KCNH4: variants seen among roughly 807,000 people sequenced by gnomAD.
KCNH4 encodes the protein potassium voltage-gated channel subfamily H member 4.
KCNH4 carries 33 observed loss-of-function variants against 90.7 expected under a neutral mutation model. The observed-to-expected ratio is 0.36, with a 90% CI of 0.28 to 0.49. The LOEUF (loss-of-function observed/expected upper bound fraction) is 0.49. Among genes scored for constraint, KCNH4 ranks in the 20% least tolerant of loss-of-function variants. The pLI is 0.98. For synonymous variants in KCNH4, 551 were observed against 581.7 expected (o/e 0.95, Z 0.76); for missense variants, 1,044 against 1,387.1 (o/e 0.75, Z 3.93).
In KCNH4 at chr17:42,163,766, C is replaced by A. The variant is rs867310199; in HGVS notation, c.2317G>T (p.Val773Phe). The change falls in exon 13 of 17, where the codon GTC becomes TTC. Residue 773 changes from valine to phenylalanine, a missense_variant. Around this residue, in one of 4 missense-constraint regions of KCNH4, gnomAD observed 441 missense variants for 512.3 expected, o/e 0.86. Transcript: ENST00000264661. The surrounding 1 kb of genome is among the most constrained non-coding windows in gnomAD (Gnocchi z 5.4). ...GATGGGGATAAGGAAGGAGAGGAGA[C>A]AAGGGCTGAGAATGGGGGCAGCTCC... is the stretch of plus-strand genomic sequence containing the variant. ...GEELPPFSAL[V>F]SSPSLSPSLS... 1.3e-6 allele frequency: 2 copies of A among 1,558,000 alleles called. No individual in the cohort carries two copies. Among genetic ancestry groups the A allele is most frequent in the Non-Finnish European group, 1.7e-6 (2 of 1,153,722 alleles).
Position 42,163,489 on chromosome 17 carries a change from G to A in KCNH4, c.2477+117C>T, listed in dbSNP as rs1484052978. The A allele has an allele frequency of 5.4e-6, 4 of 744,734 alleles. No individual in the cohort carries two copies. The highest frequency in any genetic ancestry group is 5.2e-5 in the African/African-American group (3 of 57,322). The allele number at this position is 744,734 out of a possible 1,614,324, so 46.1% of individuals were successfully genotyped here. On this transcript the variant is annotated intron_variant, in intron 13 of 16. Coordinates refer to ENST00000264661, the MANE Select transcript of KCNH4 (RefSeq NM_012285.3). The surrounding 1 kb of genome is among the most constrained non-coding windows in gnomAD (Gnocchi z 5.4). ...TGCAAGCTGTGGTTGGAAGGGTGCG[G>A]TGGGCACACGGGCAGAGACGGAATG...
intron 16 of KCNH4, among the ~76,000 whole-genome samples, chr17:42,158,016 C>T (rs558659262): frequency 8.5e-5 from 13 of 152,186 alleles, no homozygotes; most frequent in South Asian, 4.1e-4. Context: ...GCACCCTCCA[C>T]CTCCCAGGTT....
At chr17:42,165,812 C>T in intron 10 of KCNH4, 119 bp from the exon 11 acceptor site, 1 of 1,185,758 alleles carries the variant, frequency 8.4e-7, no homozygotes, top group Non-Finnish European at 1.2e-6. Flanking sequence ...GAAGGTGGGC[C>T]AGTCAATGGG....
chr17:42,176,668 A>AC (rs1322793801), intron 4 of KCNH4, among the ~76,000 whole-genome samples: 2 of 151,260 alleles, frequency 1.3e-5, no homozygotes, highest in Non-Finnish European at 2.9e-5. Flanking sequence ...GACTACGGGA[A>AC]CATGCCACCA....
chr17:42,162,403 GGGCA>G (rs1303035430), intron 14 of KCNH4, 82 bp from the exon 15 acceptor site: 5 of 1,210,980 alleles, frequency 4.1e-6, no homozygotes, highest in Non-Finnish European at 6.0e-6. Context: ...TCCTGTCATT[GGGCA>G]GGCGGAGAGC....
intron 16 of KCNH4, among the ~76,000 whole-genome samples, chr17:42,158,845 T>A (rs1003000046): frequency 2.9e-4 from 43 of 150,186 alleles, no homozygotes; most frequent in South Asian, 6.3e-4. Context: ...TAAAAAAATA[T>A]ATATATATAT....
Position 42,178,125 on chromosome 17 carries a change from C to T in KCNH4, c.560G>A (p.Gly187Asp), listed in dbSNP as rs1391529673. ...ATTATTGGCCTTCATGCCTCCCTGG[C>T]CCCGGCGGCCAAAGTGGCCGGTCAG... The part of the protein sequence containing the change: ...HRLTGHFGRR[G>D]QGGMKANNNV... Residue 187 changes from glycine (G) to aspartate (D), a missense_variant, in exon 4 of 17, where the codon GGC becomes GAC. Transcript: ENST00000264661. 1.2e-6 allele frequency: 2 copies of T among 1,614,074 alleles called. No individual in the cohort carries two copies. Among genetic ancestry groups the T allele is most frequent in the South Asian group, 2.2e-5 (2 of 91,076 alleles).
chr17:42,178,653 C>A, intron 2 of KCNH4, 140 bp downstream of exon 2: 1 of 1,122,906 alleles, frequency 8.9e-7, no homozygotes, highest in Middle Eastern at 3.0e-4. Flanking sequence ...AACCCAGGAC[C>A]AGAGAGGTCA....
chr17:42,172,769 G>T (rs1185497130), intron 6 of KCNH4, among the ~76,000 whole-genome samples: 2 of 151,920 alleles, frequency 1.3e-5, no homozygotes, highest in African/African-American at 4.8e-5. Flanking sequence ...ACTGGGAGAT[G>T]GTAGGGGAGC....
rs1445511111 is a variant in KCNH4 at position 42,163,497 on chromosome 17, A to G, written c.2477+109T>C. 3 of 736,232 alleles carry G rather than the reference A, an allele frequency of 4.1e-6. No individual in the cohort carries two copies. Among genetic ancestry groups the G allele is most frequent in the South Asian group, 1.7e-5 (1 of 57,994 alleles). 45.6% of individuals were successfully genotyped at this position (736,232 alleles called of 1,614,324 possible). On this transcript the variant is annotated intron_variant, in intron 13 of 16. Coordinates refer to ENST00000264661, the MANE Select transcript of KCNH4 (RefSeq NM_012285.3). This position sits in a 1 kb window ranked among gnomAD's most constrained non-coding sequence, Gnocchi z 5.4. ...GTGGTTGGAAGGGTGCGGTGGGCAC[A>G]CGGGCAGAGACGGAATGTAGCACTG...
At chr17:42,161,151 A>G (rs895516584) in intron 15 of KCNH4, among the ~76,000 whole-genome samples, 2 of 151,848 alleles carry the variant, frequency 1.3e-5, no homozygotes, top group African/African-American at 4.8e-5. Flanking sequence ...AATGGTCTCC[A>G]TCTCCTGACT....
chr17:42,176,856 A>C (rs1416946382), intron 4 of KCNH4, among the ~76,000 whole-genome samples: 1 of 151,782 alleles, frequency 6.6e-6, no homozygotes, highest in Non-Finnish European at 1.5e-5. Context: ...ATGTCTTGTC[A>C]AGGGTATTTA....
chr17:42,163,424 AG>A lies in KCNH4; in HGVS notation c.2478-91del. On this transcript the variant is annotated intron_variant, in intron 13 of 16. Transcript: ENST00000264661. The surrounding 1 kb of genome is among the most constrained non-coding windows in gnomAD (Gnocchi z 5.4). Reference sequence around the variant, plus strand: ...GAGGGGGACTGGGGGCAGCAGTGCCAGGGGGCGGAGCAAGAGCAGCAGTCAA... The same window carrying A: ...GAGGGGGACTGGGGGCAGCAGTGCCAGGGGCGGAGCAAGAGCAGCAGTCAA... 6.2e-6 allele frequency: 6 copies of A among 967,150 alleles called. No individual in the cohort carries two copies. The highest frequency in any genetic ancestry group is 1.4e-5 in the South Asian group (1 of 70,814). 59.9% of individuals were successfully genotyped at this position (967,150 alleles called of 1,614,324 possible).
intron 9 of KCNH4, among the ~76,000 whole-genome samples, chr17:42,167,563 G>C (rs2079796713): frequency 6.6e-6 from 1 of 152,152 alleles, no homozygotes; most frequent in Non-Finnish European, 1.5e-5. Flanking sequence ...ACCGCACCCA[G>C]CCAAGAGCTG....
chr17:42,179,050 C>A, intron 1 of KCNH4, 24 bp from the exon 2 acceptor site: 2 of 1,584,028 alleles, frequency 1.3e-6, no homozygotes, highest in South Asian at 2.2e-5. Flanking sequence ...AGGTCAAGGT[C>A]AGGTCAAGGC....
At chr17:42,175,450 G>A in intron 6 of KCNH4, 129 bp downstream of exon 6, 1 of 1,078,888 alleles carries the variant, frequency 9.3e-7, no homozygotes, top group Non-Finnish European at 1.4e-6. Flanking sequence ...CCCAGAGCAG[G>A]TGCCTGATAA....
intron 6 of KCNH4, 152 bp downstream of exon 6, chr17:42,175,427 G>T: frequency 1.1e-6 from 1 of 899,728 alleles, no homozygotes; most frequent in Non-Finnish European, 1.8e-6. Context: ...CCAGTACCTA[G>T]CACAGGGCTA....
In KCNH4 at chr17:42,165,604, C is replaced by T. The variant is rs1173190998; in HGVS notation, c.1930G>A (p.Ala644Thr). 1.9e-6 allele frequency: 3 copies of T among 1,614,090 alleles called. No homozygotes were observed. The African/African-American group carries it at 4.0e-5, about 22-fold the overall frequency. ...CAGTAGGTCAGAGCTTTCACATCAG[C>T]ACTGGTCTTTAGCACGAAGTTTGGG... ...ADPNFVLKTS[A>T]DVKALTYCGL... The change falls in exon 11 of 17, where the codon GCT becomes ACT. Residue 644 changes from alanine to threonine, a missense_variant. By Grantham distance (58) the Ala-to-Thr change is moderately conservative. Transcript: ENST00000264661.
Position 42,180,942 on chromosome 17 carries a change from G to T in KCNH4, c.4C>A (p.Pro2Thr). 1 of 1,612,850 alleles carries T rather than the reference G, an allele frequency of 6.2e-7. No individual in the cohort carries two copies. The highest frequency in any genetic ancestry group is 8.5e-7 in the Non-Finnish European group (1 of 1,179,456). Reference sequence around the variant, plus strand: ...GGGGCCAGCAACCCCTTCATGACCGGCATGGCCCCGGGGCGTGGGTTCAAG... The same window carrying T: ...GGGGCCAGCAACCCCTTCATGACCGTCATGGCCCCGGGGCGTGGGTTCAAG... M[P>T]VMKGLLAPQN... Residue 2 changes from proline to threonine, a missense_variant, in exon 1 of 17, where the codon CCG becomes ACG. Transcript: ENST00000264661. This position sits in a 1 kb window ranked among gnomAD's most constrained non-coding sequence, Gnocchi z 4.7.
Sources: allele counts gnomAD v4.1 joint callset (sites outside exome capture counted in the v4.1 genomes callset), GRCh38; gene constraint gnomAD v4.1.1; regional missense constraint gnomAD v4.1.1; non-coding constraint Gnocchi (gnomAD v3.1); transcripts MANE v1.5; gene names NCBI Gene and HGNC (gene_info 2026-07-23, HGNC 2026-07-21).